Variants in RSPO3 observed in about 807,000 individuals in gnomAD.
RSPO3 encodes R-spondin 3, also known as R-spondin-3.
A neutral mutation model predicts 36.5 loss-of-function variants in RSPO3; 17 were observed. The observed-to-expected ratio is 0.47, with a 90% CI of 0.32 to 0.70. The LOEUF is 0.70. RSPO3 is among the 30% of genes least tolerant of loss of function. RSPO3 has a pLI of 0.04. For missense variants in RSPO3, 294 were observed against 322.5 expected, an observed-to-expected ratio of 0.91 and a Z score of 0.68; for synonymous variants, 108 against 107.0, an observed-to-expected ratio of 1.01 and a Z score of -0.06.
intron 1 of RSPO3, among the ~76,000 whole-genome samples, chr6:127,135,599 G>A (rs569582789): frequency 1.3e-5 from 2 of 151,990 alleles, no homozygotes; most frequent in East Asian, 3.9e-4. Context: ...ATTTCTGATT[G>A]TAGCATCTTC....
At chr6:127,143,439 G>A (rs149738308) in intron 1 of RSPO3, among the ~76,000 whole-genome samples, 26 of 152,296 alleles carry the variant, frequency 1.7e-4, no homozygotes, top group Non-Finnish European at 2.2e-4. Context: ...AAAACAGGCA[G>A]TGAATGTTGT....
At chr6:127,135,203 C>T (rs775993768) in intron 1 of RSPO3, among the ~76,000 whole-genome samples, 54 of 152,164 alleles carry the variant, frequency 3.5e-4, no homozygotes, top group African/African-American at 1.0e-3. Context: ...GGGCAGATTA[C>T]GAGGTCAAGA....
chr6:127,162,329 T>C (rs1048460035), intron 4 of RSPO3, among the ~76,000 whole-genome samples: 1 of 152,182 alleles, frequency 6.6e-6, no homozygotes, highest in Non-Finnish European at 1.5e-5. Context: ...TTTTGCATTC[T>C]ACCCTAGAGG....
intron 4 of RSPO3, among the ~76,000 whole-genome samples, chr6:127,163,940 C>G (rs1774761623): frequency 6.6e-6 from 1 of 152,034 alleles, no homozygotes; most frequent in African/African-American, 2.4e-5. Context: ...GCCTTCTGCT[C>G]TCTCCCTTTC....
chr6:127,175,780 G>A (rs949581127), intron 4 of RSPO3, among the ~76,000 whole-genome samples: 8 of 151,596 alleles, frequency 5.3e-5, no homozygotes, highest in African/African-American at 1.9e-4. Flanking sequence ...CTGAAAACTA[G>A]TAAGAAGAGA....
intron 1 of RSPO3, chr6:127,119,740 G>T (rs2745336): frequency 6.4e-6 from 1 of 155,706 alleles, no homozygotes; most frequent in African/African-American, 2.4e-5. Context: ...CGCCTCGCGC[G>T]GGGAGACCTC....
rs185342510 is a variant in RSPO3 at position 127,132,632 on chromosome 6, C to T, written c.97+13343C>T. Among the ~76,000 whole-genome samples the T allele has an allele frequency of 2.8e-4, 43 of 152,016 alleles. No homozygotes were observed. The East Asian group carries it at 3.7e-3, about 13-fold the overall frequency. On this transcript the variant is annotated intron_variant, in intron 1 of 4. Coordinates refer to ENST00000356698, the MANE Select transcript of RSPO3 (RefSeq NM_032784.5). ...TCTGATCTGATGTAAGCTCTGGTAT[C>T]CATATTATTATGATTCAAAAACTAC...
intron 1 of RSPO3, among the ~76,000 whole-genome samples, chr6:127,122,047 A>G (rs1032676583): frequency 6.6e-6 from 1 of 152,212 alleles, no homozygotes; most frequent in East Asian, 1.9e-4. Flanking sequence ...TTTGTAAACA[A>G]GAACATTCAT....
intron 1 of RSPO3, among the ~76,000 whole-genome samples, chr6:127,144,483 G>A (rs990807368): frequency 1.3e-4 from 19 of 152,000 alleles, no homozygotes; most frequent in Admixed American, 1.1e-3. Flanking sequence ...AATTACCACA[G>A]TTAATTTAGC....
chr6:127,167,611 GA>G (rs1312063958), intron 4 of RSPO3, among the ~76,000 whole-genome samples: 4 of 151,362 alleles, frequency 2.6e-5, no homozygotes, highest in South Asian at 2.1e-4. Context: ...ATAATAGAAT[GA>G]TTTTTTTTAT....
chr6:127,160,140 G>A (rs80029831), intron 4 of RSPO3, among the ~76,000 whole-genome samples: 9,981 of 152,030 alleles, frequency 0.066, 677 homozygotes, highest in African/African-American at 0.18. Flanking sequence ...TTTGTAGGTC[G>A]TAAATGGTCA....
chr6:127,170,434 T>TACACAC (rs141558102), intron 4 of RSPO3, among the ~76,000 whole-genome samples: 67,868 of 148,836 alleles, frequency 0.46, 15,433 homozygotes, highest in Non-Finnish European at 0.51. Context: ...GTTCCACACA[T>TACACAC]ACACACACAC....
At chr6:127,173,363 C>T (rs534264146) in intron 4 of RSPO3, among the ~76,000 whole-genome samples, 5 of 151,744 alleles carry the variant, frequency 3.3e-5, no homozygotes, top group Admixed American at 1.3e-4. Flanking sequence ...TAAACAAAGG[C>T]GCTGTCAGTC....
rs1334071514 is a variant in RSPO3 at position 127,196,430 on chromosome 6, G to C, written c.*423G>C. On this transcript the variant is annotated 3_prime_UTR_variant, in exon 5 of 5. Coordinates refer to ENST00000356698, the MANE Select transcript of RSPO3 (RefSeq NM_032784.5). ...AAAACAAATAGGAGTTCAGGGAAGA[G>C]AAACATCCTTCAAAGGACAGTGTTG... The C allele has an allele frequency of 6.6e-6, 1 of 152,452 alleles. No homozygotes were observed. Among genetic ancestry groups the C allele is most frequent in the Non-Finnish European group, 1.5e-5 (1 of 68,206 alleles). 9.4% of individuals were successfully genotyped at this position (152,452 alleles called of 1,614,324 possible). A position where few individuals can be genotyped will look rare whatever the true frequency, so the allele number is the denominator to read the frequency against.
Position 127,135,527 on chromosome 6 carries a change from TA to T in RSPO3, c.98-13119del, listed in dbSNP as rs1182620382. 1.3e-5 allele frequency among the ~76,000 whole-genome samples: 2 copies of T among 151,560 alleles called. 1 individual carries two copies. The highest frequency in any genetic ancestry group is 4.2e-4 in the South Asian group (2 of 4,796). On this transcript the variant is annotated intron_variant, in intron 1 of 4. Coordinates refer to ENST00000356698, the MANE Select transcript of RSPO3 (RefSeq NM_032784.5). ...GGAAATGGGAAGATGTGAACTCTAT[TA>T]ATAAGGGAGGTAGAATCTGTAAGAA...
intron 1 of RSPO3, among the ~76,000 whole-genome samples, chr6:127,137,492 G>C (rs1774183548): frequency 6.6e-6 from 1 of 152,180 alleles, no homozygotes; most frequent in Admixed American, 6.5e-5. Context: ...ACTGTTACAG[G>C]AAAGCAGTTT....
chr6:127,147,366 A>C (rs1774405551), intron 1 of RSPO3, among the ~76,000 whole-genome samples: 1 of 152,164 alleles, frequency 6.6e-6, no homozygotes, highest in African/African-American at 2.4e-5. Context: ...GGTCCATCAG[A>C]GCCTACTCCT....
At chr6:127,163,707 G>A (rs182096267) in intron 4 of RSPO3, among the ~76,000 whole-genome samples, 2 of 32,944 alleles carry the variant, frequency 6.1e-5, no homozygotes, top group Non-Finnish European at 1.4e-4. Flanking sequence ...AATTATTTAC[G>A]ACATACTTAT....
At chr6:127,150,166 G>GAT (rs768162516) in intron 2 of RSPO3, among the ~76,000 whole-genome samples, 5,885 of 139,334 alleles carry the variant, frequency 0.042, 205 homozygotes, top group Middle Eastern at 0.13. Flanking sequence ...TATTCTTGGA[G>GAT]ATATATATAT....
Sources: gnomAD v4.1 joint callset for allele counts (sites outside exome capture counted in the v4.1 genomes callset) on GRCh38, gnomAD v4.1.1 for gene constraint, MANE v1.5 for transcripts, NCBI Gene and HGNC (gene_info 2026-07-23, HGNC 2026-07-21) for gene names.